The following FSTL5 variants were observed in gnomAD, a reference collection of about 807,000 sequenced individuals.
The protein encoded by FSTL5 is follistatin-related protein 5.
In FSTL5, 62 loss-of-function variants were observed where a neutral mutation model predicts 89.1. That is an observed-to-expected ratio of 0.70 (90% CI 0.57 to 0.86). The LOEUF (loss-of-function observed/expected upper bound fraction) is 0.86. Among genes scored for constraint, FSTL5 ranks in the 40% least tolerant of loss-of-function variants. FSTL5 has a pLI of 0.00. For missense variants in FSTL5, 1,057 were observed against 1,001.6 expected (o/e 1.06, Z -0.75); for synonymous variants, 383 against 346.2 (o/e 1.11, Z -1.18).
At position 161,959,709 on chromosome 4, in the gene FSTL5, G is replaced by T. The variant is rs144685358; in HGVS notation, c.161-39057C>A. ...TATGCAGATTTTTTTAGACATTGTT[G>T]TGTTAATAATGTTTCTGCTCTCTAG... On this transcript the variant is annotated intron_variant, in intron 3 of 15. Coordinates refer to ENST00000306100, the MANE Select transcript of FSTL5 (RefSeq NM_020116.5). Among the ~76,000 whole-genome samples, 309 of 152,230 alleles carry T rather than the reference G, an allele frequency of 2.0e-3. 1 individual carries two copies. The highest frequency in any genetic ancestry group is 0.017 in the South Asian group (83 of 4,830).
chr4:161,986,954 C>G lies in FSTL5; in HGVS notation c.160+46671G>C, dbSNP rs150882867. ...AATCCTAAAAGTATGGTATTCAAAACTAGAAGTTGTGAAATTGACCACTGT... is the reference window on the plus strand; with the variant it reads ...AATCCTAAAAGTATGGTATTCAAAAGTAGAAGTTGTGAAATTGACCACTGT... On this transcript the variant is annotated intron_variant, in intron 3 of 15. Coordinates refer to ENST00000306100, the MANE Select transcript of FSTL5 (RefSeq NM_020116.5). 2.9e-3 allele frequency among the ~76,000 whole-genome samples: 447 copies of G among 152,230 alleles called. 3 individuals carry two copies. Among genetic ancestry groups the G allele is most frequent in the African/African-American group, 9.9e-3 (410 of 41,530 alleles).
At chr4:161,501,947 T>C (rs937404430) in intron 11 of FSTL5, among the ~76,000 whole-genome samples, 1 of 152,054 alleles carries the variant, frequency 6.6e-6, no homozygotes. Context: ...AATACTGTTG[T>C]TGAAACTTAT....
intron 7 of FSTL5, among the ~76,000 whole-genome samples, chr4:161,636,464 T>C (rs867138620): frequency 2.7e-5 from 4 of 150,086 alleles, no homozygotes; most frequent in Non-Finnish European, 4.4e-5. Flanking sequence ...TTTTTTCTTT[T>C]TTTTTTTTTT....
intron 3 of FSTL5, among the ~76,000 whole-genome samples, chr4:161,972,675 A>G (rs1735518931): frequency 6.6e-6 from 1 of 152,182 alleles, no homozygotes; most frequent in East Asian, 1.9e-4. Context: ...ATAAAACCAC[A>G]GCCATGATTA....
chr4:161,898,969 C>T (rs1733263274), intron 4 of FSTL5, among the ~76,000 whole-genome samples: 1 of 152,090 alleles, frequency 6.6e-6, no homozygotes, highest in Admixed American at 6.6e-5. Flanking sequence ...CTCATCACTC[C>T]TCTGTCTCCA....
intron 5 of FSTL5, among the ~76,000 whole-genome samples, chr4:161,770,663 T>G (rs1741176936): frequency 1.3e-5 from 2 of 152,004 alleles, no homozygotes; most frequent in Non-Finnish European, 2.9e-5. Flanking sequence ...TTCATTATTT[T>G]TAAAACTTAA....
At position 161,872,516 on chromosome 4, in the gene FSTL5, T is replaced by C. The variant is rs781427477; in HGVS notation, c.409+47888A>G. Among the ~76,000 whole-genome samples the C allele has an allele frequency of 2.5e-4, 38 of 152,196 alleles. 1 individual carries two copies. The highest frequency in any genetic ancestry group is 4.3e-4 in the Non-Finnish European group (29 of 68,034). Reference sequence around the variant, plus strand: ...CCAGGAAGTACTGGCCAAGGCTATATTGATAGTATTCAACTTCCTGGTTCA... The same window carrying C: ...CCAGGAAGTACTGGCCAAGGCTATACTGATAGTATTCAACTTCCTGGTTCA... On this transcript the variant is annotated intron_variant, in intron 4 of 15. Coordinates refer to ENST00000306100, the MANE Select transcript of FSTL5 (RefSeq NM_020116.5).
At chr4:161,761,621 C>T (rs1038673036) in intron 5 of FSTL5, among the ~76,000 whole-genome samples, 3 of 152,156 alleles carry the variant, frequency 2.0e-5, no homozygotes, top group African/African-American at 7.2e-5. Context: ...TATTGGACTT[C>T]CCACTTTATA....
chr4:161,776,456 CA>C (rs1741416326), intron 4 of FSTL5, among the ~76,000 whole-genome samples: 1 of 143,400 alleles, frequency 7.0e-6, no homozygotes, highest in African/African-American at 2.8e-5. Context: ...AAATGAAGTA[CA>C]AGAAGGTGAA....
intron 7 of FSTL5, among the ~76,000 whole-genome samples, chr4:161,603,594 A>C (rs1182288781): frequency 6.6e-6 from 1 of 152,192 alleles, no homozygotes; most frequent in African/African-American, 2.4e-5. Flanking sequence ...AAAGCCACCA[A>C]GTCTGTGTGA....
At chr4:161,635,508 C>T (rs1735657836) in intron 7 of FSTL5, among the ~76,000 whole-genome samples, 1 of 149,946 alleles carries the variant, frequency 6.7e-6, no homozygotes, top group Admixed American at 6.7e-5. Context: ...AAAAAAAATC[C>T]ATCTAGCAAA....
chr4:162,027,704 A>G (rs1737351628), intron 3 of FSTL5, among the ~76,000 whole-genome samples: 1 of 152,088 alleles, frequency 6.6e-6, no homozygotes, highest in Non-Finnish European at 1.5e-5. Context: ...AACAATTTGC[A>G]TTTGTATTGT....
chr4:161,904,380 T>A (rs1340919002), intron 4 of FSTL5, among the ~76,000 whole-genome samples: 1 of 152,102 alleles, frequency 6.6e-6, no homozygotes, highest in African/African-American at 2.4e-5. Flanking sequence ...TAGGAGTTTG[T>A]AATTAGAAAT....
At chr4:161,906,307 T>C (rs185041221) in intron 4 of FSTL5, among the ~76,000 whole-genome samples, 134 of 152,190 alleles carry the variant, frequency 8.8e-4, no homozygotes, top group African/African-American at 3.0e-3. Context: ...AACGGCACCA[T>C]TGGAATGACC....
intron 10 of FSTL5, among the ~76,000 whole-genome samples, chr4:161,531,162 C>A (rs1243038520): frequency 6.6e-6 from 1 of 152,148 alleles, no homozygotes; most frequent in Non-Finnish European, 1.5e-5. Context: ...TTCAATTTCT[C>A]ACATGAGAAA....
At chr4:161,577,603 T>G (rs1448915116) in intron 8 of FSTL5, among the ~76,000 whole-genome samples, 1 of 151,634 alleles carries the variant, frequency 6.6e-6, no homozygotes, top group African/African-American at 2.4e-5. Flanking sequence ...ATACGAGAAG[T>G]TGGAATTCAC....
chr4:161,530,246 A>C lies in FSTL5; in HGVS notation c.1312+7920T>G, dbSNP rs891129276. Among the ~76,000 whole-genome samples, 4 of 142,360 alleles carry C rather than the reference A, an allele frequency of 2.8e-5. 1 individual carries two copies. The highest frequency in any genetic ancestry group is 6.2e-5 in the Non-Finnish European group (4 of 64,896). 93.4% of individuals were successfully genotyped at this position (142,360 alleles called of 152,430 possible). A position where few individuals can be genotyped will look rare whatever the true frequency, so the allele number is the denominator to read the frequency against. ...CCCTTTCTTTTACTTCTAAAATAGGAAGATACCTCATAACTATTCATATGT... is the reference window on the plus strand; with the variant it reads ...CCCTTTCTTTTACTTCTAAAATAGGCAGATACCTCATAACTATTCATATGT... On this transcript the variant is annotated intron_variant, in intron 10 of 15. Transcript: ENST00000306100.
intron 2 of FSTL5, among the ~76,000 whole-genome samples, chr4:162,058,443 T>A: frequency 7.2e-6 from 1 of 138,384 alleles, no homozygotes; most frequent in Non-Finnish European, 1.6e-5. Context: ...TTTTTTTTTT[T>A]TGAGACAGGG....
At position 161,661,048 on chromosome 4, in the gene FSTL5, C is replaced by A. The variant is rs533630701; in HGVS notation, c.728-4554G>T. Among the ~76,000 whole-genome samples the A allele has an allele frequency of 2.6e-5, 4 of 152,094 alleles. No individual in the cohort carries two copies. In the South Asian group the frequency reaches 8.3e-4, roughly 32 times the overall value. Reference sequence around the variant, plus strand: ...TGGGAGTGTAAATTAGTTGAACCATCGTGGAAGACGGTATGGCAATTCCTC... The same window carrying A: ...TGGGAGTGTAAATTAGTTGAACCATAGTGGAAGACGGTATGGCAATTCCTC... On this transcript the variant is annotated intron_variant, in intron 6 of 15. Transcript: ENST00000306100.
Sources: allele counts gnomAD v4.1 joint callset (sites outside exome capture counted in the v4.1 genomes callset), GRCh38; gene constraint gnomAD v4.1.1; transcripts MANE v1.5; gene names NCBI Gene and HGNC (gene_info 2026-07-23, HGNC 2026-07-21).